Variants in ASXL1 observed in about 807,000 individuals in gnomAD.
ASXL1 encodes the protein polycomb group protein ASXL1.
Under a neutral mutation model 89.1 loss-of-function variants are expected in ASXL1, and 65 were observed. That is an observed-to-expected ratio of 0.73 (90% confidence interval 0.60 to 0.90). ASXL1 has a LOEUF of 0.90. Among genes scored for constraint, ASXL1 ranks in the 40% least tolerant of loss-of-function variants. The pLI is 0.00. For missense variants in ASXL1, 1,786 were observed against 1,942.9 expected (o/e 0.92, Z 1.52); for synonymous variants, 739 against 746.9 (o/e 0.99, Z 0.17).
chr20:32,361,366 G>A (rs1310314247), intron 1 of ASXL1, among the ~76,000 whole-genome samples: 1 of 151,552 alleles, frequency 6.6e-6, no homozygotes, highest in Non-Finnish European at 1.5e-5. Context: ...GAGGCTGGGC[G>A]CTGTGGCTCA....
At chr20:32,376,846 T>C (rs1230859107) in intron 4 of ASXL1, among the ~76,000 whole-genome samples, 1 of 138,338 alleles carries the variant, frequency 7.2e-6, no homozygotes, top group East Asian at 2.1e-4. Flanking sequence ...AATATCATGA[T>C]AGATATATAA....
At position 32,437,985 on chromosome 20, in the gene ASXL1, G is replaced by C; in HGVS notation, c.*647G>C. 1 of 235,004 alleles carries C rather than the reference G, an allele frequency of 4.3e-6. No homozygotes were observed. The highest frequency in any genetic ancestry group is 8.4e-6 in the Non-Finnish European group (1 of 119,264). The allele number at this position is 235,004 out of a possible 1,614,324, so 14.6% of individuals were successfully genotyped here. A position where few individuals can be genotyped will look rare whatever the true frequency, so the allele number is the denominator to read the frequency against. ...ACAGGATCATTTGGAACCTTGAATA[G>C]CTCTGCTTGGACAATGGGGTTGGGG... On this transcript the variant is annotated 3_prime_UTR_variant, in exon 13 of 13. Coordinates refer to ENST00000375687, the MANE Select transcript of ASXL1 (RefSeq NM_015338.6).
rs1555907088 is a variant in ASXL1 at position 32,401,544 on chromosome 20, G to GCT, written c.253-26584_253-26583insCT. ...TATATGTGTGTGTGTGTGTGTGTGT[G>GCT]TTTTTTCCCCCCCCCCCTTTTTTTT... On this transcript the variant is annotated intron_variant, in intron 4 of 12. Coordinates refer to ENST00000375687, the MANE Select transcript of ASXL1 (RefSeq NM_015338.6). Among the ~76,000 whole-genome samples, 245 of 69,324 alleles carry GCT rather than the reference G, an allele frequency of 3.5e-3. 4 individuals carry two copies. Among genetic ancestry groups the GCT allele is most frequent in the African/African-American group, 8.2e-3 (238 of 28,870 alleles). The allele number at this position is 69,324 out of a possible 152,430, so 45.5% of individuals were successfully genotyped here.
chr20:32,436,491 G>T lies in ASXL1; in HGVS notation c.3779G>T (p.Gly1260Val). Residue 1260 changes from glycine (G) to valine (V), a missense_variant, in exon 13 of 13, where the codon GGA becomes GTA. Gly to Val is a moderately radical substitution (Grantham distance 109). Transcript: ENST00000375687. ...SQDSNSNAAP[G>V]KSPGDLTTSR... is the part of the protein sequence containing the mutation. ...GACAGTAATTCAAATGCTGCTCCAG[G>T]AAAGAGCCCAGGAGATCTTACTACC... The T allele has an allele frequency of 6.2e-7, 1 of 1,614,210 alleles. No homozygotes were observed. The highest frequency in any genetic ancestry group is 8.5e-7 in the Non-Finnish European group (1 of 1,180,034).
At chr20:32,411,771 C>G (rs190336401) in intron 4 of ASXL1, among the ~76,000 whole-genome samples, 2 of 152,190 alleles carry the variant, frequency 1.3e-5, no homozygotes, top group East Asian at 1.9e-4. Flanking sequence ...CTCCTGACCT[C>G]AAGTTATCCA....
At chr20:32,423,630 A>C (rs558187845) in intron 4 of ASXL1, among the ~76,000 whole-genome samples, 15 of 152,268 alleles carry the variant, frequency 9.9e-5, no homozygotes, top group African/African-American at 3.6e-4. Flanking sequence ...GGCTCACTGC[A>C]GCCTGCATGT....
intron 3 of ASXL1, 46 bp downstream of exon 3, chr20:32,367,775 G>C: frequency 1.3e-6 from 1 of 780,410 alleles, no homozygotes; most frequent in Non-Finnish European, 2.4e-6. Flanking sequence ...ACCTTAACTT[G>C]TTTCTGCTTC....
At chr20:32,376,083 C>G (rs1008297148) in intron 4 of ASXL1, among the ~76,000 whole-genome samples, 2 of 152,092 alleles carry the variant, frequency 1.3e-5, no homozygotes, top group African/African-American at 2.4e-5. Flanking sequence ...TAATGCCAGA[C>G]AGTAGTCATG....
Position 32,358,848 on chromosome 20 carries a change from G to A in ASXL1, c.57+16G>A. 6.6e-7 allele frequency: 1 copy of A among 1,504,850 alleles called. No individual in the cohort carries two copies. Among genetic ancestry groups the A allele is most frequent in the Non-Finnish European group, 8.9e-7 (1 of 1,125,792 alleles). 93.2% of individuals were successfully genotyped at this position (1,504,850 alleles called of 1,614,324 possible). On this transcript the variant is annotated intron_variant, in intron 1 of 12. Transcript: ENST00000375687. ...CGCGCGCCTGGTGAGGCGGACAGCC[G>A]AGGGGGGCTCCGTGGGGCCCGGGGT...
chr20:32,370,413 C>CAAAAAAA (rs74271758), intron 4 of ASXL1, among the ~76,000 whole-genome samples: 1 of 134,988 alleles, frequency 7.4e-6, no homozygotes, highest in African/African-American at 2.7e-5. Context: ...GGCTGTGTTC[C>CAAAAAAA]AAAAAAAAAA....
intron 4 of ASXL1, among the ~76,000 whole-genome samples, chr20:32,402,768 T>G (rs2048896919): frequency 6.6e-6 from 1 of 152,212 alleles, no homozygotes; most frequent in African/African-American, 2.4e-5. Flanking sequence ...TGGTGTAGTT[T>G]ATGTTCAAGA....
chr20:32,390,169 G>A (rs984755496), intron 4 of ASXL1, among the ~76,000 whole-genome samples: 1 of 151,978 alleles, frequency 6.6e-6, no homozygotes, highest in East Asian at 1.9e-4. Context: ...GTTTACAGTG[G>A]GCAAATCATC....
At chr20:32,425,836 C>T (rs2011262986) in intron 4 of ASXL1, among the ~76,000 whole-genome samples, 1 of 152,160 alleles carries the variant, frequency 6.6e-6, no homozygotes, top group Non-Finnish European at 1.5e-5. Flanking sequence ...TCCCAAGTAG[C>T]TGGGACTGCA....
At chr20:32,406,191 C>G (rs1223287608) in intron 4 of ASXL1, among the ~76,000 whole-genome samples, 2 of 152,084 alleles carry the variant, frequency 1.3e-5, no homozygotes, top group Non-Finnish European at 2.9e-5. Context: ...CCCAATAATA[C>G]AAGTTCTAAT....
At chr20:32,424,261 A>T (rs1255287763) in intron 4 of ASXL1, among the ~76,000 whole-genome samples, 1 of 152,218 alleles carries the variant, frequency 6.6e-6, no homozygotes, top group Admixed American at 6.5e-5. Context: ...TAGGCTAGGT[A>T]CGGTGGCTCA....
intron 4 of ASXL1, among the ~76,000 whole-genome samples, chr20:32,410,414 TAC>T (rs1486888927): frequency 6.6e-6 from 1 of 152,180 alleles, no homozygotes; most frequent in Non-Finnish European, 1.5e-5. Context: ...GTGTTGGGAC[TAC>T]AGGTGTGAGC....
intron 4 of ASXL1, among the ~76,000 whole-genome samples, chr20:32,402,228 C>G (rs2048887700): frequency 6.6e-6 from 1 of 152,154 alleles, no homozygotes; most frequent in Admixed American, 6.5e-5. Flanking sequence ...GCATTTCTCC[C>G]CCCTAAATTA....
chr20:32,377,916 G>C (rs1220365582), intron 4 of ASXL1, among the ~76,000 whole-genome samples: 1 of 150,880 alleles, frequency 6.6e-6, no homozygotes, highest in Non-Finnish European at 1.5e-5. Context: ...GCCTCCCAAA[G>C]TCCTGGGATT....
At chr20:32,371,411 G>A (rs1178024182) in intron 4 of ASXL1, among the ~76,000 whole-genome samples, 3 of 151,928 alleles carry the variant, frequency 2.0e-5, no homozygotes, top group African/African-American at 7.3e-5. Context: ...TCAGCCTTCT[G>A]AGTAGCTAGG....
Sources: gnomAD v4.1 joint callset for allele counts (sites outside exome capture counted in the v4.1 genomes callset) on GRCh38, gnomAD v4.1.1 for gene constraint, MANE v1.5 for transcripts, NCBI Gene and HGNC (gene_info 2026-07-23, HGNC 2026-07-21) for gene names.